The following NOTCH2 variants were observed in gnomAD, a reference collection of about 807,000 sequenced individuals.
NOTCH2 encodes the protein neurogenic locus notch homolog protein 2.
Under a neutral mutation model 235.8 loss-of-function variants are expected in NOTCH2, and 29 were observed. That is an observed-to-expected ratio of 0.12 (90% CI 0.09 to 0.17). The LOEUF (loss-of-function observed/expected upper bound fraction) is 0.17. Ranked by LOEUF, NOTCH2 falls within the 10% of genes least tolerant of loss-of-function variation. The pLI, the probability that NOTCH2 is intolerant of heterozygous loss-of-function variation, is 1.00. For missense variants in NOTCH2, 2,285 were observed against 3,150.2 expected, an observed-to-expected ratio of 0.73 and a Z score of 6.57; for synonymous variants, 1,086 against 1,141.5, an observed-to-expected ratio of 0.95 and a Z score of 0.98.
chr1:119,967,631 A>G lies in NOTCH2; in HGVS notation c.1265-10T>C. The G allele has an allele frequency of 6.2e-7, 1 of 1,613,556 alleles. No individual in the cohort carries two copies. The highest frequency in any genetic ancestry group is 8.5e-7 in the Non-Finnish European group (1 of 1,179,460). On this transcript the variant is annotated splice_polypyrimidine_tract_variant and intron_variant, in intron 7 of 33. Coordinates refer to ENST00000256646, the MANE Select transcript of NOTCH2 (RefSeq NM_024408.4). ...CAAGGATTGCTATTGGCTGAAAGACACAAGTACCAATTACTGGGATCAAAG... is the reference window on the plus strand; with the variant it reads ...CAAGGATTGCTATTGGCTGAAAGACGCAAGTACCAATTACTGGGATCAAAG...
intron 5 of NOTCH2, among the ~76,000 whole-genome samples, chr1:119,970,778 A>G (rs1442553299): frequency 6.6e-6 from 1 of 152,240 alleles, no homozygotes; most frequent in African/African-American, 2.4e-5. Context: ...AGGTCTTTTA[A>G]AAACAGTTTA....
intron 5 of NOTCH2, among the ~76,000 whole-genome samples, chr1:119,970,175 C>A (rs979326703): frequency 1.3e-5 from 2 of 152,052 alleles, no homozygotes; most frequent in African/African-American, 4.8e-5. Flanking sequence ...GTATCAACGT[C>A]AATACACTGG....
intron 5 of NOTCH2, among the ~76,000 whole-genome samples, chr1:119,972,130 T>A: frequency 8.0e-6 from 1 of 124,670 alleles, no homozygotes; most frequent in Non-Finnish European, 1.7e-5. Flanking sequence ...GGGAGGAAGG[T>A]AAGAAAGGGA....
At chr1:119,967,837 T>C (rs1472790250) in intron 7 of NOTCH2, among the ~76,000 whole-genome samples, 2 of 152,178 alleles carry the variant, frequency 1.3e-5, no homozygotes, top group African/African-American at 4.8e-5. Flanking sequence ...GCCCAAACTG[T>C]CATTGAGGTA....
rs587716799 is a variant in NOTCH2 at position 119,984,954 on chromosome 1, G to T, written c.874+2006C>A. 2.0e-5 allele frequency among the ~76,000 whole-genome samples: 3 copies of T among 152,226 alleles called. No individual in the cohort carries two copies. The South Asian group carries it at 6.2e-4, about 32-fold the overall frequency. ...GCATGCCAAAAATGATGAGAAAAATGGGGGAGGAGTGGAGAAGGAAACCCT... is the reference window on the plus strand; with the variant it reads ...GCATGCCAAAAATGATGAGAAAAATTGGGGAGGAGTGGAGAAGGAAACCCT... On this transcript the variant is annotated intron_variant, in intron 5 of 33. Transcript: ENST00000256646.
chr1:119,955,009 T>A, intron 13 of NOTCH2, 31 bp downstream of exon 13: 1 of 1,610,882 alleles, frequency 6.2e-7, no homozygotes, highest in African/African-American at 1.3e-5. Context: ...CACAGGTCAA[T>A]AAGAAACTAT....
In NOTCH2 at chr1:119,948,506, A is replaced by T. The variant is rs1553197333; in HGVS notation, c.2660T>A (p.Leu887His). The T allele has an allele frequency of 6.2e-7, 1 of 1,614,060 alleles. No individual in the cohort carries two copies. Among genetic ancestry groups the T allele is most frequent in the South Asian group, 1.1e-5 (1 of 91,084 alleles). ...GTAGCTGCCCTGGGTGTTATGGCAG[A>T]GACCATGGTTCATGCAGGGCTTGGA... ...CISKPCMNHGLCHNTQGSYMC... is the reference protein window; with the variant it reads ...CISKPCMNHGHCHNTQGSYMC... The change falls in exon 17 of 34, where the codon CTC becomes CAC. Residue 887 changes from leucine (L) to histidine (H), a missense_variant. Physicochemically the swap from Leu to His is moderately conservative, Grantham distance 99. Coordinates refer to ENST00000256646, the MANE Select transcript of NOTCH2 (RefSeq NM_024408.4).
At chr1:119,982,911 C>G (rs1553201837) in intron 5 of NOTCH2, among the ~76,000 whole-genome samples, 1 of 152,218 alleles carries the variant, frequency 6.6e-6, no homozygotes, top group Non-Finnish European at 1.5e-5. Context: ...ACCATCTATT[C>G]CTCTACTTCA....
intron 22 of NOTCH2, among the ~76,000 whole-genome samples, chr1:119,934,412 A>T (rs1649776149): frequency 6.6e-6 from 1 of 152,252 alleles, no homozygotes; most frequent in African/African-American, 2.4e-5. Context: ...TGTCCTAACC[A>T]GTACAGTTTC....
chr1:119,938,491 C>T (rs1649944080), intron 19 of NOTCH2, among the ~76,000 whole-genome samples: 1 of 152,076 alleles, frequency 6.6e-6, no homozygotes, highest in Non-Finnish European at 1.5e-5. Flanking sequence ...CTAGTGGTGG[C>T]AGGTCAAGTC....
At chr1:119,932,147 T>C (rs1052650972) in intron 22 of NOTCH2, among the ~76,000 whole-genome samples, 1 of 152,066 alleles carries the variant, frequency 6.6e-6, no homozygotes, top group African/African-American at 2.4e-5. Flanking sequence ...TAAATGCACA[T>C]ATTATCCAAT....
chr1:120,028,464 A>G (rs1454330890), intron 2 of NOTCH2, among the ~76,000 whole-genome samples: 1 of 152,168 alleles, frequency 6.6e-6, no homozygotes, highest in Non-Finnish European at 1.5e-5. Flanking sequence ...CCAGCTAGAA[A>G]AACTAAATGA....
intron 26 of NOTCH2, among the ~76,000 whole-genome samples, chr1:119,923,162 C>G (rs1649345816): frequency 6.6e-6 from 1 of 152,146 alleles, no homozygotes; most frequent in Non-Finnish European, 1.5e-5. Flanking sequence ...TGTTTTTAGT[C>G]CTTATTTTCC....
At chr1:119,921,566 G>A (rs1649285078) in intron 29 of NOTCH2, 147 bp downstream of exon 29, 1 of 746,534 alleles carries the variant, frequency 1.3e-6, no homozygotes, top group Non-Finnish European at 2.4e-6. Context: ...CTGCTGTTTA[G>A]GAGAACCTAG....
Position 120,069,582 on chromosome 1 carries a change from A to C in NOTCH2, c.-176T>G. 7.1e-7 allele frequency: 1 copy of C among 1,408,078 alleles called. No individual in the cohort carries two copies. Among genetic ancestry groups the C allele is most frequent in the East Asian group, 2.9e-5 (1 of 34,730 alleles). 87.2% of individuals were successfully genotyped at this position (1,408,078 alleles called of 1,614,324 possible). ...AAATGCCTCGACTCCCCGCGCCCCGAGTCCGCCGCTCCTCGGCCGCCGCCT... is the reference window on the plus strand; with the variant it reads ...AAATGCCTCGACTCCCCGCGCCCCGCGTCCGCCGCTCCTCGGCCGCCGCCT... On this transcript the variant is annotated 5_prime_UTR_variant, in exon 1 of 34. Coordinates refer to ENST00000256646, the MANE Select transcript of NOTCH2 (RefSeq NM_024408.4).
intron 28 of NOTCH2, 55 bp from the exon 29 acceptor site, chr1:119,921,864 G>A (rs1649294089): frequency 7.1e-7 from 1 of 1,415,892 alleles, no homozygotes; most frequent in East Asian, 2.3e-5. Flanking sequence ...CTAATACAGT[G>A]GTTTTCAACA....
intron 1 of NOTCH2, among the ~76,000 whole-genome samples, chr1:120,037,984 C>A (rs1654380598): frequency 1.3e-5 from 2 of 152,038 alleles, no homozygotes; most frequent in Non-Finnish European, 2.9e-5. Context: ...GCTGATAAAT[C>A]TAGAATAATT....
At chr1:119,954,972 A>T (rs587673863) in intron 13 of NOTCH2, 68 bp downstream of exon 13, 1 of 1,527,586 alleles carries the variant, frequency 6.5e-7, no homozygotes, top group African/African-American at 1.4e-5. Context: ...TCAGGCTGTC[A>T]CCAGTACTAC....
At chr1:119,997,714 A>C (rs1652524919) in intron 3 of NOTCH2, among the ~76,000 whole-genome samples, 1 of 151,598 alleles carries the variant, frequency 6.6e-6, no homozygotes, top group Non-Finnish European at 1.5e-5. Flanking sequence ...AGTGGCTCAC[A>C]CCTGTAATTC....
Sources: allele counts gnomAD v4.1 joint callset (sites outside exome capture counted in the v4.1 genomes callset), GRCh38; gene constraint gnomAD v4.1.1; transcripts MANE v1.5; gene names NCBI Gene and HGNC (gene_info 2026-07-23, HGNC 2026-07-21).